PANX2: variants seen among roughly 807,000 people sequenced by gnomAD.
The protein encoded by PANX2 is pannexin-2.
In PANX2, 30 loss-of-function variants were observed where a neutral mutation model predicts 38.7. The observed-to-expected ratio is 0.78, with a 90% CI of 0.58 to 1.05. The LOEUF (loss-of-function observed/expected upper bound fraction) is 1.05. Ranked by LOEUF, PANX2 falls within the 50% of genes least tolerant of loss-of-function variation. The pLI is 0.00. For missense variants in PANX2, 880 were observed against 979.3 expected (o/e 0.90, Z 1.35); for synonymous variants, 539 against 472.1 (o/e 1.14, Z -1.84).
chr22:50,175,295 G>A (rs930608174), intron 1 of PANX2: 10 of 279,386 alleles, frequency 3.6e-5, no homozygotes, highest in South Asian at 2.5e-4. Flanking sequence ...ATCTCCCTGC[G>A]GCCCTACTGG....
chr22:50,173,173 G>A (rs553367823), intron 1 of PANX2, among the ~76,000 whole-genome samples: 1 of 151,686 alleles, frequency 6.6e-6, no homozygotes, highest in Admixed American at 6.6e-5. Context: ...TGGGATTACA[G>A]GCGTTGAGCC....
At position 50,179,430 on chromosome 22, in the gene PANX2, G is replaced by A. The variant is rs575845919; in HGVS notation, c.*153G>A. The A allele has an allele frequency of 3.2e-5, 22 of 693,784 alleles. No homozygotes were observed. The Admixed American group carries it at 3.7e-4, about 12-fold the overall frequency. 43.0% of individuals were successfully genotyped at this position (693,784 alleles called of 1,614,324 possible). A position where few individuals can be genotyped will look rare whatever the true frequency, so the allele number is the denominator to read the frequency against. On this transcript the variant is annotated 3_prime_UTR_variant, in exon 3 of 3. Coordinates refer to ENST00000395842, the MANE Select transcript of PANX2 (RefSeq NM_052839.4). ...CTCTGTCCGCATGCCTGGGGCCTTC[G>A]CCCCCACGTGCTCGACAGGGGAACC... is the stretch of plus-strand genomic sequence containing the variant.
At chr22:50,176,873 G>C in intron 1 of PANX2, 66 bp from the exon 2 acceptor site, 1 of 1,440,872 alleles carries the variant, frequency 6.9e-7, no homozygotes, top group South Asian at 1.4e-5. Context: ...GTCAGGTCCA[G>C]CCCGGTTTCT....
At chr22:50,178,796 C>T (rs2063680549) in intron 2 of PANX2, 138 bp from the exon 3 acceptor site, 3 of 699,588 alleles carry the variant, frequency 4.3e-6, no homozygotes, top group Non-Finnish European at 4.7e-6. Context: ...CTGCTGTGTG[C>T]AGGGGCGTCC....
chr22:50,173,825 TTC>T (rs758497281), intron 1 of PANX2, among the ~76,000 whole-genome samples: 3 of 152,070 alleles, frequency 2.0e-5, no homozygotes, highest in Non-Finnish European at 4.4e-5. Flanking sequence ...CTGCGTGGCG[TTC>T]TCTCTCCCAG....
Position 50,170,831 on chromosome 22 carries a change from C to A in PANX2, c.101C>A (p.Ala34Glu). The A allele has an allele frequency of 6.7e-7, 1 of 1,486,200 alleles. No individual in the cohort carries two copies. Among genetic ancestry groups the A allele is most frequent in the Non-Finnish European group, 9.0e-7 (1 of 1,115,070 alleles). 92.1% of individuals were successfully genotyped at this position (1,486,200 alleles called of 1,614,324 possible). The change falls in exon 1 of 3, where the codon GCG becomes GAG. Residue 34 changes from alanine (A) to glutamate (E), a missense_variant. Physicochemically the swap from Ala to Glu is moderately radical, Grantham distance 107. This residue lies in a region of PANX2 where 243 missense variants were observed against 333.1 expected (regional missense o/e 0.73). Coordinates refer to ENST00000395842, the MANE Select transcript of PANX2 (RefSeq NM_052839.4). ...CTGCCGGGCGCGCAGGACGACAAGGCGGGCGCGCTGGCCGCGCTGCTTCTG... is the reference window on the plus strand; with the variant it reads ...CTGCCGGGCGCGCAGGACGACAAGGAGGGCGCGCTGGCCGCGCTGCTTCTG... The part of the protein sequence containing the change: ...LILPGAQDDK[A>E]GALAALLLQL...
Position 50,174,758 on chromosome 22 carries a change from G to T in PANX2, c.227-2181G>T, listed in dbSNP as rs924355362. 3.3e-5 allele frequency among the ~76,000 whole-genome samples: 5 copies of T among 152,334 alleles called. No homozygotes were observed. In the South Asian group the frequency reaches 8.3e-4, roughly 25 times the overall value. On this transcript the variant is annotated intron_variant, in intron 1 of 2. Coordinates refer to ENST00000395842, the MANE Select transcript of PANX2 (RefSeq NM_052839.4). Reference sequence around the variant, plus strand: ...ACAGAGGACCCGTAGCAGTCGCTGCGTGTGGGATGGGCCCGTGGATTTGGG... The same window carrying T: ...ACAGAGGACCCGTAGCAGTCGCTGCTTGTGGGATGGGCCCGTGGATTTGGG...
chr22:50,178,086 G>C lies in PANX2; in HGVS notation c.1374G>C (p.Glu458Asp), dbSNP rs764817469. Reference protein sequence around the residue: ...AIMRVENSKAEKPKPARRKTA... With the variant: ...AIMRVENSKADKPKPARRKTA... ...TGCGCGTGGAGAACAGCAAGGCGGA[G>C]AAGCCGAAGCCCGCGCGCAGGAAGA... is the stretch of plus-strand genomic sequence containing the variant. Residue 458 changes from glutamate (E) to aspartate (D), a missense_variant, in exon 2 of 3, where the codon GAG (glutamate) becomes GAC (aspartate). By Grantham distance (45) the Glu-to-Asp change is conservative. Coordinates refer to ENST00000395842, the MANE Select transcript of PANX2 (RefSeq NM_052839.4). 1 of 1,551,664 alleles carries C rather than the reference G, an allele frequency of 6.4e-7. No individual in the cohort carries two copies. The highest frequency in any genetic ancestry group is 1.2e-5 in the South Asian group (1 of 84,720).
At position 50,177,947 on chromosome 22, in the gene PANX2, C is replaced by T; in HGVS notation, c.1235C>T (p.Ala412Val). The T allele has an allele frequency of 2.6e-6, 4 of 1,532,848 alleles. No homozygotes were observed. Among genetic ancestry groups the T allele is most frequent in the Non-Finnish European group, 3.5e-6 (4 of 1,144,260 alleles). 95.0% of individuals were successfully genotyped at this position (1,532,848 alleles called of 1,614,324 possible). A position where few individuals can be genotyped will look rare whatever the true frequency, so the allele number is the denominator to read the frequency against. Residue 412 changes from alanine (A) to valine (V), a missense_variant, in exon 2 of 3, where the codon GCC (alanine) becomes GTC (valine). This residue lies in a region of PANX2 where 445 missense variants were observed against 404.3 expected (regional missense o/e 1.10). Coordinates refer to ENST00000395842, the MANE Select transcript of PANX2 (RefSeq NM_052839.4). ...ACCGTGGACCCCAGCGCCAACCCCG[C>T]CGAGCCCGACGGCGCCGCCGAGCCG... ...VQTVDPSANP[A>V]EPDGAAEPPV...
intron 1 of PANX2, 35 bp downstream of exon 1, chr22:50,170,991 G>A (rs1432098739): frequency 4.0e-6 from 5 of 1,250,966 alleles, no homozygotes; most frequent in Non-Finnish European, 5.4e-6. Context: ...GGCGCGGGCA[G>A]AGGGGGCGTC....
chr22:50,176,721 G>A (rs2063662983), intron 1 of PANX2, among the ~76,000 whole-genome samples: 1 of 152,166 alleles, frequency 6.6e-6, no homozygotes, highest in African/African-American at 2.4e-5. Flanking sequence ...CAGGTGCCCC[G>A]CAGCTGACCT....
chr22:50,179,142 G>C lies in PANX2; in HGVS notation c.1899G>C (p.Glu633Asp), dbSNP rs371128468. 2.5e-6 allele frequency: 4 copies of C among 1,612,180 alleles called. No homozygotes were observed. Among genetic ancestry groups the C allele is most frequent in the Admixed American group, 1.7e-5 (1 of 59,940 alleles). The change falls in exon 3 of 3, where the codon GAG (glutamate) becomes GAC (aspartate). Residue 633 changes from glutamate to aspartate, a missense_variant. Around this residue, in one of 4 missense-constraint regions of PANX2, gnomAD observed 445 missense variants for 404.3 expected, o/e 1.10. Transcript: ENST00000395842. Reference sequence around the variant, plus strand: ...TGCTGCACATCAACACGCTGTACGAGGCCCGGGAGGAGGAGGACGGGGGCC... The same window carrying C: ...TGCTGCACATCAACACGCTGTACGACGCCCGGGAGGAGGAGGACGGGGGCC... Reference protein sequence around the residue: ...HPLLHINTLYEAREEEDGGPR... With the variant: ...HPLLHINTLYDAREEEDGGPR...
At position 50,179,552 on chromosome 22, in the gene PANX2, G is replaced by A. The variant is rs2063687370; in HGVS notation, c.*275G>A. 8.2e-6 allele frequency: 4 copies of A among 489,130 alleles called. No individual in the cohort carries two copies. The highest frequency in any genetic ancestry group is 5.1e-5 in the South Asian group (2 of 39,510). 30.3% of individuals were successfully genotyped at this position (489,130 alleles called of 1,614,324 possible). A position where few individuals can be genotyped will look rare whatever the true frequency, so the allele number is the denominator to read the frequency against. ...GCTGAAGCCCGCTTCCCATGCTCCT[G>A]CATCAGGTGCCCAGCCGTGGGTGGG... On this transcript the variant is annotated 3_prime_UTR_variant, in exon 3 of 3. Coordinates refer to ENST00000395842, the MANE Select transcript of PANX2 (RefSeq NM_052839.4).
At position 50,177,897 on chromosome 22, in the gene PANX2, C is replaced by A. The variant is rs1424249209; in HGVS notation, c.1185C>A (p.Pro395=). ...CGCAGTCCAACCACGACGCCACCCC[C>A]ACGGTGCGCGACTCGGGGGTGCAGA... is the stretch of plus-strand genomic sequence containing the variant. ...ALAQSNHDAT[P]TVRDSGVQTV... The change falls in exon 2 of 3, where the codon CCC becomes CCA. Residue 395 remains proline, a synonymous_variant. Coordinates refer to ENST00000395842, the MANE Select transcript of PANX2 (RefSeq NM_052839.4). 5 of 1,534,516 alleles carry A rather than the reference C, an allele frequency of 3.3e-6. No homozygotes were observed. Among genetic ancestry groups the A allele is most frequent in the Non-Finnish European group, 3.5e-6 (4 of 1,144,272 alleles).
chr22:50,175,173 C>G (rs1238648960), intron 1 of PANX2, among the ~76,000 whole-genome samples: 1 of 152,190 alleles, frequency 6.6e-6, no homozygotes, highest in Non-Finnish European at 1.5e-5. Flanking sequence ...TGGGGCTCCG[C>G]ACAGTGGGGG....
In PANX2 at chr22:50,177,669, C is replaced by T; in HGVS notation, c.957C>T (p.Asn319=). Residue 319 remains asparagine (N), a synonymous_variant, in exon 2 of 3, where the codon AAC becomes AAT. Coordinates refer to ENST00000395842, the MANE Select transcript of PANX2 (RefSeq NM_052839.4). ...LIHLFIFRKS[N]FIFDKLHKVG... ...ACCTCTTCATCTTCCGCAAGAGCAA[C>T]TTCATCTTCGACAAGCTGCACAAGG... 1 of 1,612,554 alleles carries T rather than the reference C, an allele frequency of 6.2e-7. No homozygotes were observed. Among genetic ancestry groups the T allele is most frequent in the Non-Finnish European group, 8.5e-7 (1 of 1,179,990 alleles).
In PANX2 at chr22:50,178,983, G is replaced by A; in HGVS notation, c.1740G>A (p.Arg580=). 1.9e-6 allele frequency: 3 copies of A among 1,607,188 alleles called. No homozygotes were observed. The highest frequency in any genetic ancestry group is 2.5e-6 in the Non-Finnish European group (3 of 1,176,516). The part of the protein sequence containing the change: ...KEIPYPTEPA[R]AGLPSGGPFH... Reference sequence around the variant, plus strand: ...TCCCGTACCCCACAGAGCCAGCCCGGGCAGGGCTTCCCTCGGGGGGCCCGT... The same window carrying A: ...TCCCGTACCCCACAGAGCCAGCCCGAGCAGGGCTTCCCTCGGGGGGCCCGT... Residue 580 remains arginine, a synonymous_variant, in exon 3 of 3, where the codon CGG becomes CGA. Transcript: ENST00000395842.
intron 1 of PANX2, among the ~76,000 whole-genome samples, chr22:50,172,372 G>A (rs2147057746): frequency 6.6e-6 from 1 of 152,344 alleles, no homozygotes; most frequent in East Asian, 1.9e-4. Context: ...TTGGCTCGTG[G>A]CCGTGCCACC....
Position 50,177,721 on chromosome 22 carries a change from C to A in PANX2, c.1009C>A (p.Arg337Ser), listed in dbSNP as rs372608476. 5 of 1,610,108 alleles carry A rather than the reference C, an allele frequency of 3.1e-6. No homozygotes were observed. The highest frequency in any genetic ancestry group is 4.2e-6 in the Non-Finnish European group (5 of 1,179,436). The change falls in exon 2 of 3, where the codon CGC becomes AGC. Residue 337 changes from arginine (R) to serine (S), a missense_variant. This residue lies in a region of PANX2 where 78 missense variants were observed against 133.1 expected (regional missense o/e 0.59). Transcript: ENST00000395842. ...KVGIKTRRQW[R>S]RSQFCDINIL... ...GGGCATCAAGACGCGCCGGCAGTGG[C>A]GCCGCTCGCAGTTCTGCGACATCAA...
Sources: allele counts gnomAD v4.1 joint callset (sites outside exome capture counted in the v4.1 genomes callset), GRCh38; gene constraint gnomAD v4.1.1; regional missense constraint gnomAD v4.1.1; transcripts MANE v1.5; gene names NCBI Gene and HGNC (gene_info 2026-07-23, HGNC 2026-07-21).